The following LPCAT2 variants were observed in gnomAD, a reference collection of about 807,000 sequenced individuals.
The protein encoded by LPCAT2 is lysophosphatidylcholine acyltransferase 2, also known as 1-AGP acyltransferase 11.
Under a neutral mutation model 64.7 loss-of-function variants are expected in LPCAT2, and 58 were observed. That is an observed-to-expected ratio of 0.90 (90% CI 0.73 to 1.12). The LOEUF is 1.12. LPCAT2 is among the 50% of genes most tolerant of loss of function. The pLI is 0.00. For missense variants in LPCAT2, 579 were observed against 669.8 expected, an observed-to-expected ratio of 0.86 and a Z score of 1.50; for synonymous variants, 252 against 245.3, an observed-to-expected ratio of 1.03 and a Z score of -0.26.
At chr16:55,524,277 A>T (rs1260849703) in intron 1 of LPCAT2, among the ~76,000 whole-genome samples, 3 of 151,940 alleles carry the variant, frequency 2.0e-5, no homozygotes, top group Non-Finnish European at 4.4e-5. Flanking sequence ...GTGTATGAAA[A>T]AACATAGTGG....
intron 3 of LPCAT2, 107 bp from the exon 4 acceptor site, chr16:55,529,728 A>T (rs1963224270): frequency 2.2e-6 from 1 of 456,648 alleles, no homozygotes; most frequent in African/African-American, 2.0e-5. Context: ...GTTCTCTTTG[A>T]TTTACTCATT....
At chr16:55,536,892 A>G (rs1270594447) in intron 7 of LPCAT2, among the ~76,000 whole-genome samples, 3 of 152,212 alleles carry the variant, frequency 2.0e-5, no homozygotes, top group Admixed American at 6.5e-5. Context: ...GCCTGCCTTT[A>G]CAATGAAATT....
intron 12 of LPCAT2, among the ~76,000 whole-genome samples, chr16:55,575,512 A>G (rs1963817574): frequency 1.3e-5 from 2 of 152,182 alleles, no homozygotes; most frequent in South Asian, 4.1e-4. Flanking sequence ...TAAGCTATGT[A>G]TATTGGCTCT....
intron 11 of LPCAT2, among the ~76,000 whole-genome samples, chr16:55,559,283 G>A (rs1963609280): frequency 6.6e-6 from 1 of 152,134 alleles, no homozygotes; most frequent in Admixed American, 6.5e-5. Context: ...GCATTACTAT[G>A]TACTTTGTTT....
At chr16:55,527,479 C>CAA (rs202093136) in intron 2 of LPCAT2, among the ~76,000 whole-genome samples, 24 of 58,316 alleles carry the variant, frequency 4.1e-4, no homozygotes, top group South Asian at 5.6e-4. Context: ...AACTCCATCT[C>CAA]AAAAAAAAAA....
intron 11 of LPCAT2, among the ~76,000 whole-genome samples, chr16:55,565,893 T>G (rs1963690161): frequency 6.6e-6 from 1 of 152,166 alleles, no homozygotes; most frequent in Non-Finnish European, 1.5e-5. Context: ...ACATTTAACA[T>G]TTTTATAATG....
chr16:55,582,195 A>T (rs1477190100), intron 13 of LPCAT2, among the ~76,000 whole-genome samples: 1 of 152,170 alleles, frequency 6.6e-6, no homozygotes, highest in Non-Finnish European at 1.5e-5. Context: ...CTACCATTCA[A>T]GTCAAGAAAT....
At position 55,583,120 on chromosome 16, in the gene LPCAT2, A is replaced by G; in HGVS notation, c.*22A>G. 1 of 1,577,152 alleles carries G rather than the reference A, an allele frequency of 6.3e-7. No homozygotes were observed. The highest frequency in any genetic ancestry group is 8.7e-7 in the Non-Finnish European group (1 of 1,155,766). On this transcript the variant is annotated 3_prime_UTR_variant, in exon 14 of 14. Transcript: ENST00000262134. ...CTGAAAGCAGTATTTCCAATAAGGA[A>G]AACACAGTAGCTTTTGCTTGAAATT... is the stretch of plus-strand genomic sequence containing the variant.
intron 8 of LPCAT2, among the ~76,000 whole-genome samples, chr16:55,542,248 G>A (rs1963406920): frequency 6.6e-6 from 1 of 152,132 alleles, no homozygotes; most frequent in African/African-American, 2.4e-5. Flanking sequence ...GCACAAATGA[G>A]ATGTTAACCT....
chr16:55,516,168 A>G lies in LPCAT2; in HGVS notation c.171+6816A>G, dbSNP rs1963008137. ...CGCCCAGGCTGGAGTGCAGTGGTGTAATCACAGCTCACTCTAGCCTTGACC... is the reference window on the plus strand; with the variant it reads ...CGCCCAGGCTGGAGTGCAGTGGTGTGATCACAGCTCACTCTAGCCTTGACC... On this transcript the variant is annotated intron_variant, in intron 1 of 13. Coordinates refer to ENST00000262134, the MANE Select transcript of LPCAT2 (RefSeq NM_017839.5). 2.0e-5 allele frequency among the ~76,000 whole-genome samples: 3 copies of G among 152,282 alleles called. No homozygotes were observed. The East Asian group carries it at 5.8e-4, about 29-fold the overall frequency.
intron 11 of LPCAT2, chr16:55,567,183 G>A: frequency 1.9e-6 from 3 of 1,613,858 alleles, no homozygotes; most frequent in Non-Finnish European, 2.5e-6. Context: ...GGGCTTTGAA[G>A]AATTTAAGTA....
In LPCAT2 at chr16:55,551,300, T is replaced by C. The variant is rs117945571; in HGVS notation, c.1215+198T>C. On this transcript the variant is annotated intron_variant, in intron 11 of 13. Transcript: ENST00000262134. ...TGTGTGTGTGTATTGTAACATTTAT[T>C]ATACTGTCATATATAATAAAATATC... is the stretch of plus-strand genomic sequence containing the variant. The C allele has an allele frequency of 6.8e-3, 1,933 of 284,334 alleles. 16 individuals carry two copies. Among genetic ancestry groups the C allele is most frequent in the Non-Finnish European group, 1.0e-2 (1,567 of 156,872 alleles). 17.6% of individuals were successfully genotyped at this position (284,334 alleles called of 1,614,324 possible).
rs1294570224 is a variant in LPCAT2, at chr16:55,586,180, A to T, written c.*3082A>T. The T allele has an allele frequency of 6.6e-6, 1 of 152,130 alleles. No individual in the cohort carries two copies. Among genetic ancestry groups the T allele is most frequent in the African/African-American group, 2.4e-5 (1 of 41,438 alleles). The allele number at this position is 152,130 out of a possible 1,614,324, so 9.4% of individuals were successfully genotyped here. On this transcript the variant is annotated 3_prime_UTR_variant, in exon 14 of 14. Transcript: ENST00000262134. ...AGCTCTTCACATATATTCAAAATACATATCACAAACTTTGGTAAATAGGAT... is the reference window on the plus strand; with the variant it reads ...AGCTCTTCACATATATTCAAAATACTTATCACAAACTTTGGTAAATAGGAT...
chr16:55,525,766 A>AG, intron 2 of LPCAT2, 119 bp downstream of exon 2: 2 of 559,130 alleles, frequency 3.6e-6, no homozygotes, highest in Non-Finnish European at 5.5e-6. Context: ...AGATAAAACT[A>AG]TTTTATCTGC....
At chr16:55,521,524 G>A (rs1963095746) in intron 1 of LPCAT2, among the ~76,000 whole-genome samples, 1 of 151,492 alleles carries the variant, frequency 6.6e-6, no homozygotes, top group South Asian at 2.1e-4. Context: ...GACATTATAA[G>A]AAAAGAAAAT....
chr16:55,525,277 G>T (rs1365735907), intron 1 of LPCAT2, among the ~76,000 whole-genome samples: 1 of 152,024 alleles, frequency 6.6e-6, no homozygotes, highest in South Asian at 2.1e-4. Context: ...CAGATCATTT[G>T]TCTTACGGTT....
At chr16:55,571,891 A>AT (rs1374239492) in intron 11 of LPCAT2, among the ~76,000 whole-genome samples, 1 of 152,084 alleles carries the variant, frequency 6.6e-6, no homozygotes. Flanking sequence ...CTTTTGTCTC[A>AT]TTTTTTTCAT....
intron 11 of LPCAT2, among the ~76,000 whole-genome samples, chr16:55,572,768 C>CTTA (rs1308564220): frequency 6.6e-6 from 1 of 152,084 alleles, no homozygotes; most frequent in Non-Finnish European, 1.5e-5. Flanking sequence ...CTGTAGTGCG[C>CTTA]TTATGGTCAT....
In LPCAT2 at chr16:55,583,191, T is replaced by C. The variant is rs1963906858; in HGVS notation, c.*93T>C. ...TACTTTTAATGTGTTGGTAATGATG[T>C]TTAAAATTGAAAGATTTTTAAAACA... On this transcript the variant is annotated 3_prime_UTR_variant, in exon 14 of 14. Transcript: ENST00000262134. 1.1e-6 allele frequency: 1 copy of C among 934,736 alleles called. No homozygotes were observed. Among genetic ancestry groups the C allele is most frequent in the Non-Finnish European group, 1.5e-6 (1 of 651,210 alleles). 57.9% of individuals were successfully genotyped at this position (934,736 alleles called of 1,614,324 possible). A position where few individuals can be genotyped will look rare whatever the true frequency, so the allele number is the denominator to read the frequency against.
Sources: gnomAD v4.1 joint callset for allele counts (sites outside exome capture counted in the v4.1 genomes callset) on GRCh38, gnomAD v4.1.1 for gene constraint, MANE v1.5 for transcripts, NCBI Gene and HGNC (gene_info 2026-07-23, HGNC 2026-07-21) for gene names.